The following STXBP5 variants were observed in gnomAD, a reference collection of about 807,000 sequenced individuals.
STXBP5 encodes the protein syntaxin binding protein 5.
A neutral mutation model predicts 152.4 loss-of-function variants in STXBP5; 50 were observed. That is an observed-to-expected ratio of 0.33 (90% CI 0.26 to 0.42). The LOEUF (loss-of-function observed/expected upper bound fraction) is 0.42. STXBP5 is among the 10% of genes least tolerant of loss of function. The pLI, the probability that STXBP5 is intolerant of heterozygous loss-of-function variation, is 1.00. For synonymous variants in STXBP5, 492 were observed against 494.7 expected (o/e 0.99, Z 0.07); for missense variants, 1,167 against 1,388.6 (o/e 0.84, Z 2.54).
chr6:147,291,646 CATTG>C (rs1781282205), intron 9 of STXBP5, among the ~76,000 whole-genome samples: 1 of 151,968 alleles, frequency 6.6e-6, no homozygotes, highest in African/African-American at 2.4e-5. Context: ...TAGTTGAAGA[CATTG>C]ATTGTCACTA....
At chr6:147,209,779 A>C (rs1004590135) in intron 2 of STXBP5, among the ~76,000 whole-genome samples, 1 of 152,212 alleles carries the variant, frequency 6.6e-6, no homozygotes, top group African/African-American at 2.4e-5. Context: ...TTGGTAGATA[A>C]GTATTCAGAA....
chr6:147,239,291 C>T (rs964136846), intron 4 of STXBP5, 21 bp downstream of exon 4: 1 of 1,590,982 alleles, frequency 6.3e-7, no homozygotes, highest in Admixed American at 1.7e-5. Flanking sequence ...TCCCAGTTAT[C>T]TTATGTATAG....
chr6:147,317,849 G>C (rs962450136), intron 16 of STXBP5, among the ~76,000 whole-genome samples: 1 of 152,016 alleles, frequency 6.6e-6, no homozygotes, highest in Non-Finnish European at 1.5e-5. Flanking sequence ...TAAATGTTCC[G>C]TTAATGCCCT....
chr6:147,237,445 G>C (rs1778334336), intron 3 of STXBP5, among the ~76,000 whole-genome samples: 1 of 152,218 alleles, frequency 6.6e-6, no homozygotes, highest in East Asian at 1.9e-4. Context: ...TGCTATTTTG[G>C]CTCTATGTCT....
At chr6:147,377,624 C>G (rs996407680) in intron 26 of STXBP5, among the ~76,000 whole-genome samples, 5 of 152,130 alleles carry the variant, frequency 3.3e-5, no homozygotes, top group African/African-American at 1.2e-4. Flanking sequence ...AGACAGCCTT[C>G]TGGCTGCATT....
chr6:147,302,251 C>G (rs1781858692), intron 9 of STXBP5, among the ~76,000 whole-genome samples: 1 of 151,986 alleles, frequency 6.6e-6, no homozygotes. Flanking sequence ...TCAAAACTCC[C>G]AACACTGGTA....
rs1055902567 is a variant in STXBP5 at position 147,209,948 on chromosome 6, A to G, written c.248+3880A>G. 4.6e-5 allele frequency among the ~76,000 whole-genome samples: 7 copies of G among 152,348 alleles called. No individual in the cohort carries two copies. In the East Asian group the frequency reaches 5.8e-4, roughly 13 times the overall value. On this transcript the variant is annotated intron_variant, in intron 2 of 27. Coordinates refer to ENST00000321680, the MANE Select transcript of STXBP5 (RefSeq NM_001127715.4). ...ATAAGGAGGCTGTTGAGGGTCTGCA[A>G]TTTTAACCTGAGGTATCTGCATGAT...
chr6:147,337,422 A>G (rs1225560687), intron 19 of STXBP5, among the ~76,000 whole-genome samples: 1 of 151,990 alleles, frequency 6.6e-6, no homozygotes, highest in Non-Finnish European at 1.5e-5. Context: ...GCAGAAAACT[A>G]TTTTGGAGCT....
At position 147,359,139 on chromosome 6, in the gene STXBP5, C is replaced by T; in HGVS notation, c.2361C>T (p.Asp787=). 6.2e-7 allele frequency: 1 copy of T among 1,614,010 alleles called. No homozygotes were observed. Among genetic ancestry groups the T allele is most frequent in the East Asian group, 2.2e-5 (1 of 44,874 alleles). The change falls in exon 23 of 28, where the codon GAC becomes GAT. Residue 787 remains aspartate (D), a synonymous_variant. Transcript: ENST00000321680. The part of the protein sequence containing the change: ...RSRSSSVTSI[D]KESREAISAL... ...GGAGTTCAAGTGTAACAAGCATTGACAAAGAATCCCGAGAAGCGATCTCCG... is the reference window on the plus strand; with the variant it reads ...GGAGTTCAAGTGTAACAAGCATTGATAAAGAATCCCGAGAAGCGATCTCCG...
chr6:147,313,768 TAAATC>T (rs1012036505), intron 11 of STXBP5, 111 bp from the exon 12 acceptor site: 5 of 670,760 alleles, frequency 7.5e-6, no homozygotes, highest in Non-Finnish European at 1.1e-5. Flanking sequence ...TTACAAAAAT[TAAATC>T]AATTTAATCT....
chr6:147,292,135 C>G lies in STXBP5; in HGVS notation c.917+963C>G. On this transcript the variant is annotated intron_variant, in intron 9 of 27. Coordinates refer to ENST00000321680, the MANE Select transcript of STXBP5 (RefSeq NM_001127715.4). The stretch of plus-strand genomic sequence containing the variant: ...AGTTTATAACCACTGGATATTACAA[C>G]TGGCCCACTCACTTTTTAATCTCCC... The G allele has an allele frequency of 1.0e-5, 4 of 383,820 alleles. 1 individual carries two copies. In the Middle Eastern group the frequency reaches 1.5e-3, roughly 144 times the overall value. 23.8% of individuals were successfully genotyped at this position (383,820 alleles called of 1,614,324 possible).
chr6:147,334,105 C>G, intron 18 of STXBP5, 52 bp from the exon 19 acceptor site: 2 of 1,564,144 alleles, frequency 1.3e-6, no homozygotes, highest in Non-Finnish European at 1.7e-6. Context: ...AAAGACAAAA[C>G]TGCACTTACA....
chr6:147,212,516 A>T (rs1203009414), intron 2 of STXBP5, among the ~76,000 whole-genome samples: 1 of 152,182 alleles, frequency 6.6e-6, no homozygotes, highest in East Asian at 1.9e-4. Context: ...TTGTAAAATG[A>T]GGAAATTGGG....
At chr6:147,295,978 C>A (rs1781500839) in intron 9 of STXBP5, among the ~76,000 whole-genome samples, 1 of 152,106 alleles carries the variant, frequency 6.6e-6, no homozygotes, top group South Asian at 2.1e-4. Flanking sequence ...TGGGTGACTA[C>A]AATGCCATGA....
At chr6:147,337,874 T>G (rs1431594637) in intron 19 of STXBP5, among the ~76,000 whole-genome samples, 3 of 152,070 alleles carry the variant, frequency 2.0e-5, no homozygotes, top group Admixed American at 6.5e-5. Context: ...TTTAAAAAAG[T>G]AACCTTCTAA....
chr6:147,345,907 T>C (rs1229845296), intron 21 of STXBP5, among the ~76,000 whole-genome samples: 1 of 152,206 alleles, frequency 6.6e-6, no homozygotes, highest in African/African-American at 2.4e-5. Context: ...AGCTCTTTAC[T>C]GTTTATACAA....
chr6:147,289,505 T>C (rs1781168079), intron 8 of STXBP5, among the ~76,000 whole-genome samples: 1 of 152,066 alleles, frequency 6.6e-6, no homozygotes, highest in South Asian at 2.1e-4. Flanking sequence ...TTCTGTACAA[T>C]TTTTTTTAAT....
chr6:147,215,461 A>G (rs1777114387), intron 2 of STXBP5, among the ~76,000 whole-genome samples: 2 of 151,908 alleles, frequency 1.3e-5, no homozygotes, highest in African/African-American at 4.8e-5. Context: ...GCTCACTACA[A>G]CCTCTGCCTC....
chr6:147,249,592 C>T (rs759543835), intron 4 of STXBP5, among the ~76,000 whole-genome samples: 5 of 151,984 alleles, frequency 3.3e-5, no homozygotes, highest in Non-Finnish European at 5.9e-5. Context: ...GGGTGCGAGC[C>T]GATTCTTCTT....
Sources: gnomAD v4.1 joint callset for allele counts (sites outside exome capture counted in the v4.1 genomes callset) on GRCh38, gnomAD v4.1.1 for gene constraint, MANE v1.5 for transcripts, NCBI Gene and HGNC (gene_info 2026-07-23, HGNC 2026-07-21) for gene names.